VPS13C: variants seen among roughly 807,000 people sequenced by gnomAD.
The protein encoded by VPS13C is intermembrane lipid transfer protein VPS13C.
VPS13C carries 358 observed loss-of-function variants against 456.8 expected under a neutral mutation model. That is an observed-to-expected ratio of 0.78 (90% CI 0.72 to 0.86). VPS13C has a LOEUF of 0.86. Ranked by LOEUF, VPS13C falls within the 40% of genes least tolerant of loss-of-function variation. The pLI is 0.00. For synonymous variants in VPS13C, 1,578 were observed against 1,486.7 expected (o/e 1.06, Z -1.41); for missense variants, 4,818 against 4,385.4 (o/e 1.10, Z -2.79).
intron 20 of VPS13C, 117 bp from the exon 21 acceptor site, chr15:61,982,690 ATAT>A: frequency 3.0e-6 from 2 of 657,192 alleles, no homozygotes; most frequent in Non-Finnish European, 2.5e-6. Flanking sequence ...AACTCCTAAG[ATAT>A]TCTGTCCTAC....
chr15:61,969,151 T>C (rs1296208707), intron 28 of VPS13C, 148 bp downstream of exon 28: 1 of 529,568 alleles, frequency 1.9e-6, no homozygotes, highest in East Asian at 3.5e-5. Context: ...ATAGCACTGC[T>C]ATAAGGATTA....
At chr15:61,896,307 G>A (rs1306113065) in intron 66 of VPS13C, among the ~76,000 whole-genome samples, 1 of 152,234 alleles carries the variant, frequency 6.6e-6, no homozygotes, top group African/African-American at 2.4e-5. Context: ...CGACACAGAA[G>A]ACGGGTGATT....
intron 81 of VPS13C, chr15:61,864,518 C>A (rs150041472): frequency 2.3e-6 from 2 of 867,242 alleles, no homozygotes; most frequent in South Asian, 5.3e-5. Flanking sequence ...TGACATTTTA[C>A]GACCAAGAAT....
chr15:61,957,588 T>C (rs1017268033), intron 37 of VPS13C, among the ~76,000 whole-genome samples: 1 of 151,902 alleles, frequency 6.6e-6, no homozygotes, highest in Non-Finnish European at 1.5e-5. Context: ...CTGGTGGGAG[T>C]GCAGGGTTAG....
intron 37 of VPS13C, among the ~76,000 whole-genome samples, chr15:61,957,928 C>T (rs2045062576): frequency 6.6e-6 from 1 of 151,808 alleles, no homozygotes; most frequent in Admixed American, 6.6e-5. Context: ...CCAAGATACA[C>T]TGTTAATATT....
chr15:61,865,591 T>A (rs1411581165), intron 81 of VPS13C: 3 of 631,290 alleles, frequency 4.8e-6, no homozygotes, highest in Admixed American at 6.4e-5. Flanking sequence ...TGTATATGTG[T>A]GTGTATATAT....
At chr15:61,887,167 T>C (rs1224780536) in intron 67 of VPS13C, among the ~76,000 whole-genome samples, 1 of 152,192 alleles carries the variant, frequency 6.6e-6, no homozygotes, top group African/African-American at 2.4e-5. Flanking sequence ...AAAAAATCCT[T>C]GTAACTAATA....
chr15:61,874,631 G>A (rs1040317388), intron 77 of VPS13C, among the ~76,000 whole-genome samples: 3 of 151,494 alleles, frequency 2.0e-5, no homozygotes, highest in African/African-American at 2.4e-5. Flanking sequence ...AACAAGAAAA[G>A]GAATAAAATT....
rs146958111 is a variant in VPS13C, at chr15:62,019,539, G to A, written c.684+940C>T. 4.9e-3 allele frequency among the ~76,000 whole-genome samples: 747 copies of A among 152,044 alleles called. 8 individuals are homozygous for A. The highest frequency in any genetic ancestry group is 0.017 in the African/African-American group (720 of 41,444). On this transcript the variant is annotated intron_variant, in intron 9 of 84. Coordinates refer to ENST00000644861, the MANE Select transcript of VPS13C (RefSeq NM_020821.3). ...ACATCTTTATTTCTGCCTTCATTTC[G>A]TTATGCACCCAGTAGTCATTCAGGA...
rs1341617328 is a variant in VPS13C at position 61,931,918 on chromosome 15, A to T, written c.5869-659T>A. ...ATTTAATGAGCTCTTCCATTAAAAA[A>T]CAGTGATAAGATTTATGAGGTTTAC... On this transcript the variant is annotated intron_variant, in intron 49 of 84. Coordinates refer to ENST00000644861, the MANE Select transcript of VPS13C (RefSeq NM_020821.3). Among the ~76,000 whole-genome samples the T allele has an allele frequency of 2.0e-5, 3 of 152,298 alleles. No individual in the cohort carries two copies. In the East Asian group the frequency reaches 5.8e-4, roughly 29 times the overall value.
rs940860038 is a variant in VPS13C, at chr15:61,967,446, T to C, written c.2913A>G (p.Gly971=). The C allele has an allele frequency of 6.3e-7, 1 of 1,586,026 alleles. No homozygotes were observed. The highest frequency in any genetic ancestry group is 8.6e-7 in the Non-Finnish European group (1 of 1,169,452). ...TCAAGTGAAGGGGCTTCCTTTTGGA[T>C]CCTAGATTAAAGAAAAAGGAAAAAA... The part of the protein sequence containing the change: ...KISLDYHEIE[G]SKRKPLHLIS... Residue 971 remains glycine, a splice_region_variant and synonymous_variant, in exon 29 of 85, where the codon GGA becomes GGG. Transcript: ENST00000644861.
intron 26 of VPS13C, among the ~76,000 whole-genome samples, 159 bp from the exon 27 acceptor site, chr15:61,972,923 C>T (rs2140355303): frequency 6.6e-6 from 1 of 152,292 alleles, no homozygotes; most frequent in African/African-American, 2.4e-5. Flanking sequence ...TACCAAGTGA[C>T]TCAACCTGCC....
intron 61 of VPS13C, among the ~76,000 whole-genome samples, chr15:61,915,139 G>A (rs944818848): frequency 6.6e-6 from 1 of 152,110 alleles, no homozygotes; most frequent in African/African-American, 2.4e-5. Context: ...CAAAAGCCTA[G>A]AGGTGAGTCC....
intron 80 of VPS13C, among the ~76,000 whole-genome samples, 169 bp downstream of exon 80, chr15:61,869,331 A>G (rs1239984683): frequency 6.6e-6 from 1 of 151,894 alleles, no homozygotes; most frequent in Non-Finnish European, 1.5e-5. Flanking sequence ...TTCGCAAAAT[A>G]TGTCTTTTCT....
At chr15:61,882,158 G>C (rs1895903359) in intron 69 of VPS13C, among the ~76,000 whole-genome samples, 1 of 152,172 alleles carries the variant, frequency 6.6e-6, no homozygotes, top group East Asian at 1.9e-4. Context: ...ATGAAATTAG[G>C]GGATAAGAGA....
chr15:61,984,076 A>G (rs1254373393), intron 19 of VPS13C, 64 bp from the exon 20 acceptor site: 19 of 1,484,046 alleles, frequency 1.3e-5, no homozygotes, highest in Non-Finnish European at 1.6e-5. Flanking sequence ...ATGGACTAAA[A>G]TACAAATTTC....
chr15:62,007,644 C>G (rs1265052522), intron 14 of VPS13C, among the ~76,000 whole-genome samples, 165 bp from the exon 15 acceptor site: 1 of 152,088 alleles, frequency 6.6e-6, no homozygotes, highest in East Asian at 1.9e-4. Context: ...CTTAAATAGA[C>G]TTAGATATAA....
rs575992910 is a variant in VPS13C, at chr15:61,922,274, G to T, written c.6975+123C>A. 42 of 1,267,626 alleles carry T rather than the reference G, an allele frequency of 3.3e-5. No homozygotes were observed. In the East Asian group the frequency reaches 9.5e-4, roughly 29 times the overall value. 78.5% of individuals were successfully genotyped at this position (1,267,626 alleles called of 1,614,324 possible). On this transcript the variant is annotated intron_variant, in intron 54 of 84. Transcript: ENST00000644861. ...CAATACATCGACAAATTAAATGTCA[G>T]AACACACTATCTATTCACATATGTA...
At chr15:61,894,461 C>G (rs1241494278) in intron 66 of VPS13C, among the ~76,000 whole-genome samples, 1 of 151,364 alleles carries the variant, frequency 6.6e-6, no homozygotes, top group Middle Eastern at 3.4e-3. Context: ...AAATATGGCC[C>G]AACTATATGT....
Sources: gnomAD v4.1 joint callset for allele counts (sites outside exome capture counted in the v4.1 genomes callset) on GRCh38, gnomAD v4.1.1 for gene constraint, MANE v1.5 for transcripts, NCBI Gene and HGNC (gene_info 2026-07-23, HGNC 2026-07-21) for gene names.